Variants in RPRD1A observed in about 807,000 individuals in gnomAD.
RPRD1A encodes regulation of nuclear pre-mRNA domain containing 1A, also known as regulation of nuclear pre-mRNA domain-containing protein 1A.
Under a neutral mutation model 37.8 loss-of-function variants are expected in RPRD1A, and 9 were observed. The ratio of observed to expected loss-of-function variants is 0.24; its 90% CI spans 0.14 to 0.42. RPRD1A has a LOEUF of 0.42. RPRD1A is among the 10% of genes least tolerant of loss of function. RPRD1A has a pLI of 1.00. For missense variants in RPRD1A, 255 were observed against 371.0 expected, an observed-to-expected ratio of 0.69 and a Z score of 2.57; for synonymous variants, 138 against 139.7, an observed-to-expected ratio of 0.99 and a Z score of 0.08.
chr18:36,045,988 C>T lies in RPRD1A; in HGVS notation c.152-12151G>A, dbSNP rs185005890. Among the ~76,000 whole-genome samples the T allele has an allele frequency of 5.9e-5, 9 of 152,254 alleles. No homozygotes were observed. The East Asian group carries it at 1.7e-3, about 29-fold the overall frequency. On this transcript the variant is annotated intron_variant, in intron 1 of 6. Transcript: ENST00000399022. Reference sequence around the variant, plus strand: ...ACAGACATTTTTGAGGAAATCTGGGCTACTGAACATGGACTGGGCTTCAGA... The same window carrying T: ...ACAGACATTTTTGAGGAAATCTGGGTTACTGAACATGGACTGGGCTTCAGA...
In RPRD1A at chr18:36,031,113, AAG is replaced by A; in HGVS notation, c.282-18_282-17del. Reference sequence around the variant, plus strand: ...ATCAGTTTCACTAAAAAAAAAAAAAAAGAAAAAAAGAAAAATGTTAACAGTAA... The same window carrying A: ...ATCAGTTTCACTAAAAAAAAAAAAAAAAAAAAAGAAAAATGTTAACAGTAA... On this transcript the variant is annotated splice_polypyrimidine_tract_variant and intron_variant, in intron 2 of 6. Transcript: ENST00000399022. The A allele has an allele frequency of 2.0e-6, 3 of 1,516,938 alleles. No individual in the cohort carries two copies. The highest frequency in any genetic ancestry group is 4.7e-5 in the East Asian group (2 of 42,886). The allele number at this position is 1,516,938 out of a possible 1,614,324, so 94.0% of individuals were successfully genotyped here.
intron 1 of RPRD1A, among the ~76,000 whole-genome samples, chr18:36,054,993 G>A (rs916646965): frequency 7.2e-5 from 11 of 152,276 alleles, no homozygotes; most frequent in African/African-American, 2.6e-4. Flanking sequence ...GAGGGCATCT[G>A]TTTTTCTCAG....
intron 1 of RPRD1A, among the ~76,000 whole-genome samples, chr18:36,035,240 G>C (rs2144311706): frequency 6.6e-6 from 1 of 152,254 alleles, no homozygotes; most frequent in South Asian, 2.1e-4. Context: ...AGTGTCAAAT[G>C]AGTTTAGAAA....
Position 36,033,809 on chromosome 18 carries a change from G to C in RPRD1A, c.180C>G (p.Leu60=). The part of the protein sequence containing the change: ...KAKPNRKLTF[L]YLANDVIQNS... ...TCTGTATGACATCATTGGCTAGGTA[G>C]AGAAAAGTAAGCTTCCTGTTTGGTT... The change falls in exon 2 of 7, where the codon CTC becomes CTG. Residue 60 remains leucine, a synonymous_variant. Coordinates refer to ENST00000399022, the MANE Select transcript of RPRD1A (RefSeq NM_018170.5). The C allele has an allele frequency of 6.2e-7, 1 of 1,611,064 alleles. No homozygotes were observed. The highest frequency in any genetic ancestry group is 8.5e-7 in the Non-Finnish European group (1 of 1,178,684).
chr18:36,053,134 A>T (rs1339354964), intron 1 of RPRD1A, among the ~76,000 whole-genome samples: 1 of 152,172 alleles, frequency 6.6e-6, no homozygotes, highest in Non-Finnish European at 1.5e-5. Flanking sequence ...AAAAGCACAC[A>T]GACACATTAA....
chr18:36,047,291 T>C (rs981794763), intron 1 of RPRD1A, among the ~76,000 whole-genome samples: 1 of 151,754 alleles, frequency 6.6e-6, no homozygotes, highest in Non-Finnish European at 1.5e-5. Flanking sequence ...ATGTTGAAAA[T>C]ACAACATAAC....
At chr18:36,045,889 G>A (rs1306108634) in intron 1 of RPRD1A, among the ~76,000 whole-genome samples, 1 of 152,214 alleles carries the variant, frequency 6.6e-6, no homozygotes, top group South Asian at 2.1e-4. Flanking sequence ...GGAAAAAAGG[G>A]GGGGCACTTA....
At chr18:36,051,583 A>T (rs541688316) in intron 1 of RPRD1A, among the ~76,000 whole-genome samples, 7 of 152,302 alleles carry the variant, frequency 4.6e-5, no homozygotes, top group Non-Finnish European at 1.0e-4. Context: ...TCCAACATTC[A>T]TTCAGTAACT....
At chr18:35,997,531 T>C (rs933640470) in intron 6 of RPRD1A, among the ~76,000 whole-genome samples, 2 of 152,172 alleles carry the variant, frequency 1.3e-5, no homozygotes, top group Non-Finnish European at 2.9e-5. Flanking sequence ...TTTCTTTATA[T>C]TGATTTAGCT....
chr18:36,055,874 T>C (rs1281701229), intron 1 of RPRD1A, among the ~76,000 whole-genome samples: 1 of 152,090 alleles, frequency 6.6e-6, no homozygotes, highest in Non-Finnish European at 1.5e-5. Flanking sequence ...AGAATGAGAA[T>C]GAAAATACAC....
chr18:36,001,645 T>A (rs962217214), intron 6 of RPRD1A, among the ~76,000 whole-genome samples: 11 of 152,138 alleles, frequency 7.2e-5, no homozygotes, highest in African/African-American at 2.7e-4. Context: ...ACAGGCCTGC[T>A]CAGATCCTCC....
At chr18:36,008,570 T>A in intron 6 of RPRD1A, among the ~76,000 whole-genome samples, 1 of 66,450 alleles carries the variant, frequency 1.5e-5, no homozygotes. Flanking sequence ...AGCAAGACCT[T>A]GTGTGTGTAT....
intron 1 of RPRD1A, among the ~76,000 whole-genome samples, chr18:36,052,508 A>C (rs1913470891): frequency 6.6e-6 from 1 of 152,224 alleles, no homozygotes; most frequent in Non-Finnish European, 1.5e-5. Flanking sequence ...ACAACATATA[A>C]AGATGTACTT....
At chr18:36,030,746 T>C in intron 4 of RPRD1A, 62 bp downstream of exon 4, 1 of 1,004,454 alleles carries the variant, frequency 1.0e-6, no homozygotes, top group Non-Finnish European at 1.5e-6. Flanking sequence ...ACGAAATTAA[T>C]AAAGCTTGGT....
Position 36,054,336 on chromosome 18 carries a change from GA to G in RPRD1A, c.151+12917del, listed in dbSNP as rs562491935. On this transcript the variant is annotated intron_variant, in intron 1 of 6. Transcript: ENST00000399022. ...TGAAACCCCATCTCTACTAAAAATA[GA>G]AAAAAATTAGCCAGATGTGGTGGCG... 6.6e-5 allele frequency among the ~76,000 whole-genome samples: 10 copies of G among 151,926 alleles called. No individual in the cohort carries two copies. In the South Asian group the frequency reaches 2.1e-3, roughly 32 times the overall value.
At chr18:36,036,173 T>C (rs1230430552) in intron 1 of RPRD1A, among the ~76,000 whole-genome samples, 1 of 152,060 alleles carries the variant, frequency 6.6e-6, no homozygotes, top group Non-Finnish European at 1.5e-5. Flanking sequence ...TCCTGGGCTC[T>C]AGCAATCCTC....
intron 6 of RPRD1A, among the ~76,000 whole-genome samples, chr18:36,022,202 C>T (rs1032483147): frequency 1.3e-5 from 2 of 152,180 alleles, no homozygotes; most frequent in African/African-American, 4.8e-5. Flanking sequence ...GCTACAGAAG[C>T]AAAGTTTGAA....
chr18:36,044,515 C>G (rs969792612), intron 1 of RPRD1A, among the ~76,000 whole-genome samples: 4 of 151,932 alleles, frequency 2.6e-5, no homozygotes, highest in Admixed American at 1.3e-4. Flanking sequence ...TGGTGAAACC[C>G]CATCTCTACT....
intron 6 of RPRD1A, among the ~76,000 whole-genome samples, chr18:36,015,961 AT>A (rs1910541959): frequency 6.6e-6 from 1 of 152,216 alleles, no homozygotes; most frequent in Non-Finnish European, 1.5e-5. Flanking sequence ...TTTTATGTGT[AT>A]TTTACCTGAA....
Sources: gnomAD v4.1 joint callset for allele counts (sites outside exome capture counted in the v4.1 genomes callset) on GRCh38, gnomAD v4.1.1 for gene constraint, MANE v1.5 for transcripts, NCBI Gene and HGNC (gene_info 2026-07-23, HGNC 2026-07-21) for gene names.